Variants in MAD1L1 observed in about 807,000 individuals in gnomAD.
The protein encoded by MAD1L1 is mitotic spindle assembly checkpoint protein MAD1.
Under a neutral mutation model 96.9 loss-of-function variants are expected in MAD1L1, and 95 were observed. That is an observed-to-expected ratio of 0.98 (90% confidence interval 0.83 to 1.16). MAD1L1 has a LOEUF of 1.16. Ranked by LOEUF, MAD1L1 falls within the 50% of genes most tolerant of loss-of-function variation. The pLI is 0.00. For missense variants in MAD1L1, 1,007 were observed against 954.4 expected, an observed-to-expected ratio of 1.06 and a Z score of -0.73; for synonymous variants, 473 against 396.6, an observed-to-expected ratio of 1.19 and a Z score of -2.29.
intron 17 of MAD1L1, among the ~76,000 whole-genome samples, chr7:1,923,522 G>T (rs888107331): frequency 1.3e-5 from 2 of 152,250 alleles, no homozygotes; most frequent in Non-Finnish European, 2.9e-5. Context: ...CCGGCACCCG[G>T]GCAATCCTGC....
intron 18 of MAD1L1, among the ~76,000 whole-genome samples, chr7:1,862,103 T>C (rs1410219880): frequency 6.6e-6 from 1 of 152,114 alleles, no homozygotes; most frequent in Non-Finnish European, 1.5e-5. Flanking sequence ...ACCCATTTCC[T>C]CCACAGAGAA....
In MAD1L1 at chr7:2,219,380, AG is replaced by A. The variant is rs1793465640; in HGVS notation, c.547del (p.Leu183TrpfsTer60). The A allele has an allele frequency of 1.2e-6, 2 of 1,607,536 alleles. No homozygotes were observed. Among genetic ancestry groups the A allele is most frequent in the African/African-American group, 2.7e-5 (2 of 74,592 alleles). On this transcript the variant is annotated frameshift_variant, in exon 6 of 19. Coordinates refer to ENST00000265854, the MANE Select transcript of MAD1L1 (RefSeq NM_001013836.2). LOFTEE classifies it high-confidence loss of function. ...CTGCAGCTCCTGCTTCTCCGACTCCAGGCGCTTCACCCGCATCTCCTGGTCC... is the reference window on the plus strand; with the variant it reads ...CTGCAGCTCCTGCTTCTCCGACTCCAGCGCTTCACCCGCATCTCCTGGTCC... ...VMDQEMRVKR[L>X]ESEKQELQEQ...
intron 11 of MAD1L1, among the ~76,000 whole-genome samples, chr7:2,080,490 A>G (rs1042725592): frequency 1.3e-5 from 2 of 152,152 alleles, no homozygotes; most frequent in African/African-American, 4.8e-5. Flanking sequence ...TCAAAGGCAA[A>G]AACAGTAATA....
At chr7:2,188,146 A>C (rs1791549084) in intron 10 of MAD1L1, among the ~76,000 whole-genome samples, 1 of 152,252 alleles carries the variant, frequency 6.6e-6, no homozygotes, top group South Asian at 2.1e-4. Context: ...AGGTCCATTC[A>C]AAGTGCAAGA....
intron 11 of MAD1L1, among the ~76,000 whole-genome samples, chr7:2,085,535 G>A (rs1785871369): frequency 6.6e-6 from 1 of 152,206 alleles, no homozygotes; most frequent in Admixed American, 6.5e-5. Context: ...CTTTGAGTTC[G>A]GGACTTTGCC....
intron 17 of MAD1L1, among the ~76,000 whole-genome samples, chr7:1,904,068 C>T (rs1237858622): frequency 2.8e-4 from 32 of 116,338 alleles, no homozygotes; most frequent in African/African-American, 8.1e-4. Context: ...TTCCAGGCAG[C>T]GAGGATGCAG....
At chr7:1,987,569 G>A (rs1435430080) in intron 14 of MAD1L1, among the ~76,000 whole-genome samples, 1 of 152,154 alleles carries the variant, frequency 6.6e-6, no homozygotes, top group Non-Finnish European at 1.5e-5. Context: ...AGCCATCGGG[G>A]AGGGGGGGAG....
At chr7:2,056,803 G>A (rs561045550) in intron 12 of MAD1L1, among the ~76,000 whole-genome samples, 1 of 152,350 alleles carries the variant, frequency 6.6e-6, no homozygotes, top group South Asian at 2.1e-4. Context: ...ATCGCGGAGA[G>A]GAACACAGGC....
chr7:1,890,603 C>T (rs1786477391), intron 18 of MAD1L1, among the ~76,000 whole-genome samples: 1 of 152,222 alleles, frequency 6.6e-6, no homozygotes, highest in African/African-American at 2.4e-5. Flanking sequence ...AGCAACATAA[C>T]AGGCAAAGAC....
intron 18 of MAD1L1, among the ~76,000 whole-genome samples, chr7:1,839,300 C>T (rs1373672341): frequency 6.6e-6 from 1 of 152,012 alleles, no homozygotes; most frequent in Non-Finnish European, 1.5e-5. Flanking sequence ...ACTCGGGGTC[C>T]CAGGGAGGGC....
intron 11 of MAD1L1, among the ~76,000 whole-genome samples, chr7:2,082,611 A>C (rs1785709895): frequency 6.6e-6 from 1 of 152,218 alleles, no homozygotes; most frequent in Non-Finnish European, 1.5e-5. Context: ...GAGGAGATTG[A>C]GCTCTGAGGA....
chr7:1,896,168 C>T (rs751050039), intron 18 of MAD1L1, among the ~76,000 whole-genome samples: 1 of 152,226 alleles, frequency 6.6e-6, no homozygotes, highest in Non-Finnish European at 1.5e-5. Flanking sequence ...CTCTCCCTGA[C>T]CTCAGGAGCC....
At chr7:2,115,770 G>A (rs927481071) in intron 11 of MAD1L1, among the ~76,000 whole-genome samples, 14 of 152,238 alleles carry the variant, frequency 9.2e-5, no homozygotes, top group African/African-American at 1.7e-4. Context: ...AGGACCTGCC[G>A]CGCATGACCT....
intron 12 of MAD1L1, among the ~76,000 whole-genome samples, chr7:2,038,584 C>T (rs1468792220): frequency 7.2e-6 from 1 of 139,494 alleles, no homozygotes; most frequent in Non-Finnish European, 1.5e-5. Flanking sequence ...ACAATCTTGG[C>T]TCACTGCAAC....
At chr7:2,081,102 G>A (rs1785621322) in intron 11 of MAD1L1, among the ~76,000 whole-genome samples, 1 of 152,142 alleles carries the variant, frequency 6.6e-6, no homozygotes, top group Non-Finnish European at 1.5e-5. Context: ...AGCCAGGCCA[G>A]GAACCAAGGA....
intron 18 of MAD1L1, among the ~76,000 whole-genome samples, chr7:1,879,929 ACT>A (rs1258566875): frequency 1.3e-5 from 2 of 151,906 alleles, no homozygotes; most frequent in African/African-American, 2.4e-5. Context: ...ACGGGATTTC[ACT>A]CTGTTAGCCA....
rs1382441977 is a variant in MAD1L1 at position 2,142,498 on chromosome 7, G to A, written c.1073+6654C>T. On this transcript the variant is annotated intron_variant, in intron 11 of 18. Coordinates refer to ENST00000265854, the MANE Select transcript of MAD1L1 (RefSeq NM_001013836.2). The surrounding 1 kb of genome is among the most constrained non-coding windows in gnomAD (Gnocchi z 4.7). The stretch of plus-strand genomic sequence containing the variant: ...CAGGAGCAGGATACAGACAGATCAC[G>A]CGGGTTCTCTGCTGCCGGACGGAGC... Among the ~76,000 whole-genome samples the A allele has an allele frequency of 1.3e-5, 2 of 152,222 alleles. No individual in the cohort carries two copies. Among genetic ancestry groups the A allele is most frequent in the Non-Finnish European group, 1.5e-5 (1 of 68,030 alleles).
Position 2,053,057 on chromosome 7 carries a change from AC to A in MAD1L1, c.1218+16136del, listed in dbSNP as rs1199784022. Among the ~76,000 whole-genome samples, 8 of 152,302 alleles carry A rather than the reference AC, an allele frequency of 5.3e-5. 1 individual carries two copies. The East Asian group carries it at 1.5e-3, about 29-fold the overall frequency. On this transcript the variant is annotated intron_variant, in intron 12 of 18. Coordinates refer to ENST00000265854, the MANE Select transcript of MAD1L1 (RefSeq NM_001013836.2). ...AAGGCCGAGCCGTCCCTGCCCTGGC[AC>A]CTGCTCCCAGCCACTGCCTACCCTC...
intron 18 of MAD1L1, 78 bp downstream of exon 18, chr7:1,898,122 T>C (rs1246363017): frequency 1.4e-6 from 2 of 1,457,778 alleles, no homozygotes. Flanking sequence ...GCTCCTTTGC[T>C]GAGGGCTACG....
Sources: allele counts gnomAD v4.1 joint callset (sites outside exome capture counted in the v4.1 genomes callset), GRCh38; gene constraint gnomAD v4.1.1; non-coding constraint Gnocchi (gnomAD v3.1); transcripts MANE v1.5; gene names NCBI Gene and HGNC (gene_info 2026-07-23, HGNC 2026-07-21).